The following RASA3 variants were observed in gnomAD, a reference collection of about 807,000 sequenced individuals.
RASA3 encodes the protein ras GTPase-activating protein 3.
Under a neutral mutation model 110.0 loss-of-function variants are expected in RASA3, and 73 were observed. The ratio of observed to expected loss-of-function variants is 0.66; its 90% confidence interval spans 0.55 to 0.81. RASA3 has a LOEUF of 0.81. RASA3 is among the 30% of genes least tolerant of loss of function. The probability of loss-of-function intolerance (pLI) is 0.00; values close to 1 mark genes in which losing one functional copy is unlikely to be tolerated. For missense variants in RASA3, 976 were observed against 1,113.2 expected, an observed-to-expected ratio of 0.88 and a Z score of 1.75; for synonymous variants, 500 against 451.4, an observed-to-expected ratio of 1.11 and a Z score of -1.37.
At chr13:114,077,520 A>G (rs1342011312) in intron 1 of RASA3, among the ~76,000 whole-genome samples, 1 of 131,334 alleles carries the variant, frequency 7.6e-6, no homozygotes, top group Non-Finnish European at 1.6e-5. Flanking sequence ...GCACCAACGC[A>G]CCGGATTCAT....
chr13:114,075,782 G>A (rs2079665888), intron 1 of RASA3, among the ~76,000 whole-genome samples: 1 of 97,762 alleles, frequency 1.0e-5, no homozygotes, highest in Non-Finnish European at 2.0e-5. Context: ...TCCCGTGTCC[G>A]CGCCGCGTAT....
At position 114,132,503 on chromosome 13, in the gene RASA3, G is replaced by A; in HGVS notation, c.-14C>T. 1.4e-6 allele frequency: 2 copies of A among 1,455,996 alleles called. No individual in the cohort carries two copies. Among genetic ancestry groups the A allele is most frequent in the South Asian group, 2.6e-5 (2 of 75,796 alleles). 90.2% of individuals were successfully genotyped at this position (1,455,996 alleles called of 1,614,324 possible). On this transcript the variant is annotated 5_prime_UTR_variant, in exon 1 of 24. Coordinates refer to ENST00000334062, the MANE Select transcript of RASA3 (RefSeq NM_007368.4). ...CTCCACCGCCATGCTGCGCGTCCGC[G>A]CCCGCCGAGCCTCGCCCCAAGCGCG...
intron 14 of RASA3, among the ~76,000 whole-genome samples, chr13:114,013,881 T>A (rs2053717054): frequency 2.9e-5 from 2 of 69,806 alleles, no homozygotes; most frequent in African/African-American, 1.0e-4. Context: ...TCTCCCTATC[T>A]CTGTCTCTCT....
Position 114,041,074 on chromosome 13 carries a change from C to T in RASA3, c.298G>A (p.Glu100Lys), listed in dbSNP as rs1317274598. Residue 100 changes from glutamate to lysine, a missense_variant, in exon 4 of 24, where the codon GAG (glutamate) becomes AAG (lysine). Physicochemically the swap from Glu to Lys is moderately conservative, Grantham distance 56. This residue lies in a region of RASA3 where 732 missense variants were observed against 779.7 expected (regional missense o/e 0.94). Coordinates refer to ENST00000334062, the MANE Select transcript of RASA3 (RefSeq NM_007368.4). ...SIIGKVAIQK[E>K]DLQKYHNRDT... is the part of the protein sequence containing the mutation. ...CTGTTGTGGTACTTCTGCAAGTCCT[C>T]CTTCTGGATGGCCACCTTCCCTGCA... 6.2e-7 allele frequency: 1 copy of T among 1,613,852 alleles called. No individual in the cohort carries two copies. Among genetic ancestry groups the T allele is most frequent in the South Asian group, 1.1e-5 (1 of 91,090 alleles).
At chr13:114,098,767 C>G (rs191316266) in intron 1 of RASA3, among the ~76,000 whole-genome samples, 2 of 151,928 alleles carry the variant, frequency 1.3e-5, no homozygotes, top group African/African-American at 4.8e-5. Flanking sequence ...GGCACAAGGG[C>G]GGGAGAAAGA....
At chr13:114,106,333 T>C (rs1276217598) in intron 1 of RASA3, among the ~76,000 whole-genome samples, 1 of 152,158 alleles carries the variant, frequency 6.6e-6, no homozygotes, top group Non-Finnish European at 1.5e-5. Flanking sequence ...AACTTCTCAT[T>C]CTTGAAAACT....
In RASA3 at chr13:114,041,803, G is replaced by A. The variant is rs115979129; in HGVS notation, c.278-709C>T. ...ACGCGACGTGGGTTGGTCTGAATCT[G>A]TGCCTCTAAAGTGTAATGAATGAGC... On this transcript the variant is annotated intron_variant, in intron 3 of 23. Transcript: ENST00000334062. Among the ~76,000 whole-genome samples the A allele has an allele frequency of 4.8e-3, 729 of 152,344 alleles. 5 individuals are homozygous for A. Among genetic ancestry groups the A allele is most frequent in the African/African-American group, 0.016 (678 of 41,568 alleles).
chr13:114,046,981 A>G (rs1402793727), intron 3 of RASA3, among the ~76,000 whole-genome samples: 3 of 152,238 alleles, frequency 2.0e-5, no homozygotes, highest in African/African-American at 7.2e-5. Flanking sequence ...CATGCTTTCC[A>G]GGAGAAAACC....
At chr13:114,091,462 C>G (rs2079888843) in intron 1 of RASA3, among the ~76,000 whole-genome samples, 1 of 151,410 alleles carries the variant, frequency 6.6e-6, no homozygotes, top group Non-Finnish European at 1.5e-5. Context: ...CCAGCACTGA[C>G]TGAAATAATC....
At chr13:114,077,600 C>T (rs2079710723) in intron 1 of RASA3, among the ~76,000 whole-genome samples, 2 of 148,036 alleles carry the variant, frequency 1.4e-5, no homozygotes, top group African/African-American at 5.0e-5. Flanking sequence ...CATCCTTCCT[C>T]CCTGCCCGAC....
intron 3 of RASA3, 23 bp downstream of exon 3, chr13:114,052,029 G>A: frequency 2.6e-6 from 4 of 1,532,734 alleles, no homozygotes; most frequent in South Asian, 1.1e-5. Flanking sequence ...AAAAGGGGAA[G>A]TAAATGCTCA....
Position 114,000,838 on chromosome 13 carries a change from G to A in RASA3, c.1837C>T (p.His613Tyr), listed in dbSNP as rs1195335204. Residue 613 changes from histidine to tyrosine, a missense_variant, in exon 19 of 24, where the codon CAC (histidine) becomes TAC (tyrosine). His to Tyr is a moderately conservative substitution (Grantham distance 83). This residue lies in a region of RASA3 where 109 missense variants were observed against 162.5 expected (regional missense o/e 0.67). Transcript: ENST00000334062. ...CCTTGCTCCTTACCTTTGCTTTTGT[G>A]GTAGGTAAATTCATGGTTGGTCAAG... ...FRLTNHEFTY[H>Y]KSKGDQPLYS... The A allele has an allele frequency of 6.2e-6, 10 of 1,609,546 alleles. No homozygotes were observed. Among genetic ancestry groups the A allele is most frequent in the East Asian group, 2.2e-5 (1 of 44,874 alleles).
At position 114,007,589 on chromosome 13, in the gene RASA3, C is replaced by A; in HGVS notation, c.1686G>T (p.Ser562=). ...DAVKNFLDLI[S]SSGRRDPKSV... ...TCTTGGGGTCTCTTCTCCCCGAGGA[C>A]GAAATCAGATCCAAGAACTAAAGTT... The change falls in exon 18 of 24, where the codon TCG becomes TCT. Residue 562 remains serine, a synonymous_variant. Transcript: ENST00000334062. 6.2e-7 allele frequency: 1 copy of A among 1,613,144 alleles called. No individual in the cohort carries two copies. Among genetic ancestry groups the A allele is most frequent in the South Asian group, 1.1e-5 (1 of 91,066 alleles).
intron 2 of RASA3, among the ~76,000 whole-genome samples, chr13:114,069,404 T>A (rs2139651114): frequency 8.2e-6 from 1 of 122,262 alleles, no homozygotes; most frequent in East Asian, 2.6e-4. Flanking sequence ...AAGGTGACAC[T>A]GACCTTGGAG....
chr13:114,015,393 C>G, intron 13 of RASA3, 61 bp from the exon 14 acceptor site: 1 of 1,593,388 alleles, frequency 6.3e-7, no homozygotes, highest in South Asian at 1.1e-5. Flanking sequence ...CGTGTAGCAC[C>G]AGGGCACGCC....
chr13:114,080,089 G>A (rs2079758507), intron 1 of RASA3, among the ~76,000 whole-genome samples: 1 of 152,228 alleles, frequency 6.6e-6, no homozygotes, highest in South Asian at 2.1e-4. Flanking sequence ...GTCGAGGGCA[G>A]ACGGCACCTG....
chr13:114,026,717 C>T (rs555455012), intron 7 of RASA3, among the ~76,000 whole-genome samples: 4 of 152,384 alleles, frequency 2.6e-5, no homozygotes, highest in African/African-American at 9.6e-5. Flanking sequence ...ATCCTCACAT[C>T]TCCAGGGCCT....
intron 1 of RASA3, among the ~76,000 whole-genome samples, chr13:114,126,926 G>A (rs1008137334): frequency 2.6e-5 from 4 of 151,874 alleles, no homozygotes; most frequent in Admixed American, 6.5e-5. Flanking sequence ...GGTTCGCTAC[G>A]TCCACGTCTC....
Position 113,998,033 on chromosome 13 carries a change from G to C in RASA3, c.1933-1294C>G, listed in dbSNP as rs542470609. ...AGGTCTCCCCAGCTGGTGAGAGCCT[G>C]GCCTGGCAGTGGCCTCAGGGGAATC... is the stretch of plus-strand genomic sequence containing the variant. On this transcript the variant is annotated intron_variant, in intron 20 of 23. Coordinates refer to ENST00000334062, the MANE Select transcript of RASA3 (RefSeq NM_007368.4). 1.4e-3 allele frequency among the ~76,000 whole-genome samples: 218 copies of C among 152,346 alleles called. 1 individual carries two copies. The highest frequency in any genetic ancestry group is 6.8e-3 in the Middle Eastern group (2 of 294).
Sources: allele counts gnomAD v4.1 joint callset (sites outside exome capture counted in the v4.1 genomes callset), GRCh38; gene constraint gnomAD v4.1.1; regional missense constraint gnomAD v4.1.1; transcripts MANE v1.5; gene names NCBI Gene and HGNC (gene_info 2026-07-23, HGNC 2026-07-21).